The following RBFOX1 variants were observed in gnomAD, a reference collection of about 807,000 sequenced individuals.
RBFOX1 encodes RNA binding fox-1 homolog 1.
RBFOX1 carries 8 observed loss-of-function variants against 57.7 expected under a neutral mutation model. The ratio of observed to expected loss-of-function variants is 0.14; its 90% CI spans 0.08 to 0.25. RBFOX1 has a LOEUF of 0.25. Among genes scored for constraint, RBFOX1 ranks in the 10% least tolerant of loss-of-function variants. The pLI is 1.00. For missense variants in RBFOX1, 611 were observed against 548.5 expected (o/e 1.11, Z -1.14); for synonymous variants, 326 against 222.4 (o/e 1.47, Z -4.15).
chr16:7,436,508 G>T (rs1351823088), intron 4 of RBFOX1, among the ~76,000 whole-genome samples: 1 of 152,188 alleles, frequency 6.6e-6, no homozygotes, highest in Non-Finnish European at 1.5e-5. Context: ...CAACAGCATG[G>T]CGTTATGCCT....
At chr16:7,230,046 GGAAGGAAAGGAGA>G (rs1277657131) in intron 4 of RBFOX1, among the ~76,000 whole-genome samples, 1 of 70,670 alleles carries the variant, frequency 1.4e-5, no homozygotes, top group African/African-American at 4.0e-5. Context: ...GGGAGAGAGA[GGAAGGAAAGGAGA>G]GAGAGGAAGG....
chr16:6,268,713 T>C (rs970786302), intron 1 of RBFOX1, among the ~76,000 whole-genome samples: 1 of 152,184 alleles, frequency 6.6e-6, no homozygotes, highest in East Asian at 1.9e-4. Context: ...TTCTTAGGGA[T>C]CTTACAGTTC....
intron 3 of RBFOX1, among the ~76,000 whole-genome samples, chr16:6,768,965 G>A (rs2077840010): frequency 6.6e-6 from 1 of 152,070 alleles, no homozygotes; most frequent in Non-Finnish European, 1.5e-5. Context: ...CTGACCTCGT[G>A]ATCTGCCTGC....
downstream of RBFOX1, chr16:5,601,361 C>T (rs2047358515): frequency 6.6e-6 from 1 of 152,370 alleles, no homozygotes; most frequent in Admixed American, 6.5e-5. Flanking sequence ...TGGATGGTGT[C>T]TGCCAGGGTG....
intron 2 of RBFOX1, among the ~76,000 whole-genome samples, chr16:6,652,503 A>G (rs775567363): frequency 1.3e-5 from 2 of 152,020 alleles, no homozygotes; most frequent in Non-Finnish European, 2.9e-5. Context: ...CTCAGAAAGT[A>G]TAGAGCAGCA....
chr16:5,514,903 T>C (rs182173767), intron 2 of RBFOX1, among the ~76,000 whole-genome samples: 1 of 152,290 alleles, frequency 6.6e-6, no homozygotes. Context: ...TTTATTTGGC[T>C]CATGGTTCTG....
intron 4 of RBFOX1, among the ~76,000 whole-genome samples, chr16:7,495,973 C>T (rs943696393): frequency 2.0e-5 from 3 of 152,078 alleles, no homozygotes; most frequent in African/African-American, 7.2e-5. Flanking sequence ...CCTGTAGATT[C>T]TTAATAAGTA....
chr16:7,278,199 G>A lies in RBFOX1; in HGVS notation c.27+226101G>A, dbSNP rs146603189. ...AATGGTTGATATGGTTATACTTGGT[G>A]TATGCATTCAACAAATTAACCAGTT... is the stretch of plus-strand genomic sequence containing the variant. On this transcript the variant is annotated intron_variant, in intron 4 of 15. Transcript: ENST00000550418. Among the ~76,000 whole-genome samples, 1,263 of 152,292 alleles carry A rather than the reference G, an allele frequency of 8.3e-3. 12 individuals carry two copies. The highest frequency in any genetic ancestry group is 0.012 in the Non-Finnish European group (799 of 68,034).
chr16:6,070,610 A>G (rs1050900397), intron 1 of RBFOX1, among the ~76,000 whole-genome samples: 4 of 152,198 alleles, frequency 2.6e-5, no homozygotes, highest in Non-Finnish European at 5.9e-5. Flanking sequence ...TGGAGAGGCA[A>G]ATTCATAGGT....
At chr16:5,673,938 T>C (rs1199227273) in intron 3 of RBFOX1, among the ~76,000 whole-genome samples, 3 of 152,286 alleles carry the variant, frequency 2.0e-5, no homozygotes, top group Non-Finnish European at 4.4e-5. Context: ...AAAGGGGGAA[T>C]GAGGAAGCCC....
At chr16:5,545,713 T>C (rs1481181206) in intron 2 of RBFOX1, among the ~76,000 whole-genome samples, 1 of 152,120 alleles carries the variant, frequency 6.6e-6, no homozygotes, top group African/African-American at 2.4e-5. Flanking sequence ...TGATAAAATA[T>C]GTCTATGAAA....
chr16:5,920,530 T>C (rs1193885012), intron 4 of RBFOX1, among the ~76,000 whole-genome samples: 1 of 152,160 alleles, frequency 6.6e-6, no homozygotes, highest in African/African-American at 2.4e-5. Context: ...TCACAGCTTT[T>C]TGAGTGTGTG....
At chr16:6,926,071 C>T (rs549292114) in intron 3 of RBFOX1, among the ~76,000 whole-genome samples, 12 of 152,024 alleles carry the variant, frequency 7.9e-5, no homozygotes, top group African/African-American at 2.9e-4. Context: ...TTTGGGAGGC[C>T]GAGGTGGGTT....
intron 2 of RBFOX1, among the ~76,000 whole-genome samples, chr16:5,522,583 C>G (rs2044063608): frequency 6.6e-6 from 1 of 152,172 alleles, no homozygotes; most frequent in Non-Finnish European, 1.5e-5. Flanking sequence ...TTGAGATATA[C>G]AGTACATTCT....
intron 3 of RBFOX1, among the ~76,000 whole-genome samples, chr16:5,707,257 T>A (rs2086774498): frequency 6.6e-6 from 1 of 152,202 alleles, no homozygotes; most frequent in African/African-American, 2.4e-5. Flanking sequence ...ATGTGTGCAA[T>A]TGGAATCTCT....
At chr16:7,169,917 A>T (rs534688882) in intron 4 of RBFOX1, among the ~76,000 whole-genome samples, 5 of 151,912 alleles carry the variant, frequency 3.3e-5, no homozygotes, top group South Asian at 2.1e-4. Context: ...CAAAAAAAAT[A>T]AAAAAAATAG....
Position 5,946,113 on chromosome 16 carries a change from T to G in RBFOX1, c.351+78778T>G, listed in dbSNP as rs2059395027. Among the ~76,000 whole-genome samples, 1 of 152,190 alleles carries G rather than the reference T, an allele frequency of 6.6e-6. No homozygotes were observed. Among genetic ancestry groups the G allele is most frequent in the Non-Finnish European group, 1.5e-5 (1 of 68,032 alleles). On this transcript the variant is annotated intron_variant, in intron 4 of 19. Coordinates refer to the RBFOX1 transcript ENST00000641259. The surrounding 1 kb of genome is among the most constrained non-coding windows in gnomAD (Gnocchi z 4.6). ...GACTTACCCGCTATTCTTGTCTTTT[T>G]AAAAAAGATTTTGTTAATAGACCAC...
chr16:5,303,319 C>T (rs1310498829), intron 1 of RBFOX1, among the ~76,000 whole-genome samples: 1 of 152,176 alleles, frequency 6.6e-6, no homozygotes, highest in Non-Finnish European at 1.5e-5. Flanking sequence ...ACATGAGCTG[C>T]ACAGGCAGAG....
chr16:6,191,423 A>G (rs2152809852), intron 1 of RBFOX1, among the ~76,000 whole-genome samples: 1 of 152,180 alleles, frequency 6.6e-6, no homozygotes, highest in East Asian at 1.9e-4. Flanking sequence ...ACTCTTGAGA[A>G]TTTAGGGGGT....
Sources: allele counts gnomAD v4.1 joint callset (sites outside exome capture counted in the v4.1 genomes callset), GRCh38; gene constraint gnomAD v4.1.1; non-coding constraint Gnocchi (gnomAD v3.1); transcripts MANE v1.5; gene names NCBI Gene and HGNC (gene_info 2026-07-23, HGNC 2026-07-21).